UNC13B: variants seen among roughly 807,000 people sequenced by gnomAD.
The protein encoded by UNC13B is unc-13 homolog B.
Under a neutral mutation model 211.0 loss-of-function variants are expected in UNC13B, and 144 were observed. The observed-to-expected ratio is 0.68, with a 90% confidence interval of 0.60 to 0.78. The LOEUF is 0.78. UNC13B is among the 30% of genes least tolerant of loss of function. The pLI, the probability that UNC13B is intolerant of heterozygous loss-of-function variation, is 0.00. For synonymous variants in UNC13B, 709 were observed against 725.8 expected (o/e 0.98, Z 0.37); for missense variants, 1,777 against 2,002.0 (o/e 0.89, Z 2.14).
At chr9:35,313,876 A>G (rs1247442051) in intron 10 of UNC13B, 23 bp from the exon 11 acceptor site, 1 of 1,593,038 alleles carries the variant, frequency 6.3e-7, no homozygotes, top group East Asian at 2.2e-5. Flanking sequence ...TTTTTAAGAA[A>G]TGTACTTTTT....
intron 7 of UNC13B, among the ~76,000 whole-genome samples, chr9:35,279,958 C>T (rs898282778): frequency 1.3e-5 from 2 of 152,120 alleles, no homozygotes; most frequent in Non-Finnish European, 1.5e-5. Context: ...TCTTTTTCTC[C>T]TCTACCATCT....
intron 11 of UNC13B, among the ~76,000 whole-genome samples, chr9:35,316,910 A>G (rs1459609889): frequency 3.3e-5 from 5 of 152,200 alleles, no homozygotes; most frequent in East Asian, 1.9e-4. Flanking sequence ...TTAGGAAACA[A>G]TTAGGCACAT....
chr9:35,262,996 G>T (rs1786237726), intron 7 of UNC13B, among the ~76,000 whole-genome samples: 1 of 152,014 alleles, frequency 6.6e-6, no homozygotes, highest in Non-Finnish European at 1.5e-5. Flanking sequence ...TTATGATATT[G>T]ATCTTTTTTT....
Position 35,394,074 on chromosome 9 carries a change from C to T in UNC13B, c.11309-2402C>T, listed in dbSNP as rs193149772. ...GTAATGAGACCTAGGCAGGTAATAGCGTGGCTAGAAGGAATGGATAGATTC... is the reference window on the plus strand; with the variant it reads ...GTAATGAGACCTAGGCAGGTAATAGTGTGGCTAGAAGGAATGGATAGATTC... On this transcript the variant is annotated intron_variant, in intron 26 of 39. Coordinates refer to ENST00000635942, the MANE Select transcript of UNC13B (RefSeq NM_001371189.2). Among the ~76,000 whole-genome samples, 179 of 152,098 alleles carry T rather than the reference C, an allele frequency of 1.2e-3. 1 individual carries two copies. Among genetic ancestry groups the T allele is most frequent in the African/African-American group, 4.1e-3 (168 of 41,462 alleles).
At chr9:35,376,943 C>T (rs1352526310) in intron 15 of UNC13B, among the ~76,000 whole-genome samples, 1 of 152,148 alleles carries the variant, frequency 6.6e-6, no homozygotes, top group African/African-American at 2.4e-5. Context: ...CCAGGAAAAG[C>T]AGGGGTGAAG....
At chr9:35,179,893 T>A (rs1821842425) in intron 1 of UNC13B, among the ~76,000 whole-genome samples, 1 of 152,200 alleles carries the variant, frequency 6.6e-6, no homozygotes, top group South Asian at 2.1e-4. Context: ...ACATCCTAAT[T>A]TTTCTTTACA....
At chr9:35,169,383 C>A (rs1472513597) in intron 1 of UNC13B, among the ~76,000 whole-genome samples, 1 of 152,170 alleles carries the variant, frequency 6.6e-6, no homozygotes, top group Non-Finnish European at 1.5e-5. Context: ...ATCCATCTAA[C>A]TAGACACGTT....
Position 35,199,382 on chromosome 9 carries a change from G to A in UNC13B, c.23-28633G>A, listed in dbSNP as rs377418609. Reference sequence around the variant, plus strand: ...GAGTAATGGGATGACTGAGTCAAATGGTATTTCTAGTTCTAGATCCTTGAG... The same window carrying A: ...GAGTAATGGGATGACTGAGTCAAATAGTATTTCTAGTTCTAGATCCTTGAG... On this transcript the variant is annotated intron_variant, in intron 1 of 39. Transcript: ENST00000635942. Among the ~76,000 whole-genome samples the A allele has an allele frequency of 7.7e-4, 117 of 152,214 alleles. 2 individuals are homozygous for A. The South Asian group carries it at 0.019, about 25-fold the overall frequency.
intron 8 of UNC13B, among the ~76,000 whole-genome samples, chr9:35,298,349 A>G (rs923088280): frequency 1.2e-4 from 18 of 152,160 alleles, no homozygotes; most frequent in African/African-American, 4.3e-4. Flanking sequence ...TGAGTCTGGG[A>G]GGTCGAAGCT....
chr9:35,322,868 AT>A (rs1453220480), intron 11 of UNC13B, among the ~76,000 whole-genome samples: 1 of 151,974 alleles, frequency 6.6e-6, no homozygotes, highest in East Asian at 1.9e-4. Context: ...GAGACTACCA[AT>A]TTCCGATCCC....
intron 26 of UNC13B, among the ~76,000 whole-genome samples, chr9:35,393,232 A>G (rs1019617451): frequency 6.6e-6 from 1 of 152,218 alleles, no homozygotes; most frequent in Non-Finnish European, 1.5e-5. Context: ...GGGTGCTGAG[A>G]GCACACAGGA....
At chr9:35,353,122 G>C (rs1832824398) in intron 11 of UNC13B, 1 of 1,232,050 alleles carries the variant, frequency 8.1e-7, no homozygotes, top group African/African-American at 1.6e-5. Context: ...TTATCATAGG[G>C]CCTGAGACTT....
intron 6 of UNC13B, 30 bp from the exon 7 acceptor site, chr9:35,258,963 A>G: frequency 6.2e-7 from 1 of 1,602,176 alleles, no homozygotes; most frequent in African/African-American, 1.3e-5. Context: ...GATTGTATTT[A>G]TTTATTTATT....
chr9:35,366,927 T>TA lies in UNC13B; in HGVS notation c.9415-20_9415-19insA. 1.2e-6 allele frequency: 2 copies of TA among 1,611,252 alleles called. No homozygotes were observed. Among genetic ancestry groups the TA allele is most frequent in the Admixed American group, 1.7e-5 (1 of 59,996 alleles). On this transcript the variant is annotated intron_variant, in intron 11 of 39. Transcript: ENST00000635942. The stretch of plus-strand genomic sequence containing the variant: ...CCCATCTTTCCCAGGATCTAACTTG[T>TA]TTCCTATCTCTTTTTAAAGATTCCA...
At chr9:35,375,878 G>A (rs1026846888) in intron 14 of UNC13B, 150 bp from the exon 15 acceptor site, 3 of 721,430 alleles carry the variant, frequency 4.2e-6, no homozygotes, top group Admixed American at 2.5e-5. Context: ...CTACTTGGGG[G>A]CCAAGGCAGG....
chr9:35,299,867 G>A (rs1214734064), intron 8 of UNC13B, among the ~76,000 whole-genome samples: 1 of 151,966 alleles, frequency 6.6e-6, no homozygotes, highest in East Asian at 1.9e-4. Flanking sequence ...CATCAGACAA[G>A]GCTCACAGGC....
intron 39 of UNC13B, 66 bp downstream of exon 39, chr9:35,403,665 G>A: frequency 1.1e-6 from 1 of 879,114 alleles, no homozygotes; most frequent in Admixed American, 2.0e-5. Flanking sequence ...GGGGGGAGAG[G>A]AGGGCCCGGG....
At chr9:35,360,139 T>A (rs1044365633) in intron 11 of UNC13B, among the ~76,000 whole-genome samples, 41 of 152,376 alleles carry the variant, frequency 2.7e-4, no homozygotes, top group African/African-American at 8.9e-4. Context: ...TGCTTTGATA[T>A]CACCTATCAG....
Position 35,381,719 on chromosome 9 carries a change from C to T in UNC13B, c.10655C>T (p.Thr3552Met), listed in dbSNP as rs749879925. Reference sequence around the variant, plus strand: ...ATTGAGTCCATATATCAGGCCATGACGTGAGTCTCTGCTGCGGCACCGGGA... The same window carrying T: ...ATTGAGTCCATATATCAGGCCATGATGTGAGTCTCTGCTGCGGCACCGGGA... Reference protein sequence around the residue: ...YGIESIYQAMTHFACLSSKYM... With the variant: ...YGIESIYQAMMHFACLSSKYM... The change falls in exon 20 of 40, where the codon ACG (threonine) becomes ATG (methionine). Residue 3552 changes from threonine to methionine, a missense_variant and splice_region_variant. By Grantham distance (81) the Thr-to-Met change is moderately conservative. Coordinates refer to ENST00000635942, the MANE Select transcript of UNC13B (RefSeq NM_001371189.2). 1.3e-5 allele frequency: 21 copies of T among 1,613,372 alleles called. No homozygotes were observed. The highest frequency in any genetic ancestry group is 6.7e-5 in the Admixed American group (4 of 59,980).
Sources: gnomAD v4.1 joint callset for allele counts (sites outside exome capture counted in the v4.1 genomes callset) on GRCh38, gnomAD v4.1.1 for gene constraint, MANE v1.5 for transcripts, NCBI Gene and HGNC (gene_info 2026-07-23, HGNC 2026-07-21) for gene names.